The following TCN2 variants were observed in gnomAD, a reference collection of about 807,000 sequenced individuals.
TCN2 encodes the protein transcobalamin-2.
TCN2 carries 34 observed loss-of-function variants against 48.6 expected under a neutral mutation model. The observed-to-expected ratio is 0.70, with a 90% CI of 0.53 to 0.93. The LOEUF (loss-of-function observed/expected upper bound fraction) is 0.93, where lower values mean the gene tolerates loss of function less well. Ranked by LOEUF, TCN2 falls within the 40% of genes least tolerant of loss-of-function variation. TCN2 has a pLI of 0.00. For synonymous variants in TCN2, 283 were observed against 212.5 expected (o/e 1.33, Z -2.89); for missense variants, 652 against 526.1 (o/e 1.24, Z -2.34).
chr22:30,616,480 T>A (rs1419254684), intron 6 of TCN2, among the ~76,000 whole-genome samples: 1 of 131,026 alleles, frequency 7.6e-6, no homozygotes, highest in East Asian at 2.2e-4. Context: ...AGAGTAAGAC[T>A]ATGTCTCAAA....
rs1602060262 is a variant in TCN2, at chr22:30,627,247, C to T, written c.*726C>T. 6.4e-6 allele frequency: 1 copy of T among 156,352 alleles called. No homozygotes were observed. The highest frequency in any genetic ancestry group is 1.4e-5 in the Non-Finnish European group (1 of 70,526). 9.7% of individuals were successfully genotyped at this position (156,352 alleles called of 1,614,324 possible). ...ACCCACTACTATGACTGAGCACTCA[C>T]TCGCTAGATACTATCTTGAACTGCT... is the stretch of plus-strand genomic sequence containing the variant. On this transcript the variant is annotated 3_prime_UTR_variant, in exon 9 of 9. Transcript: ENST00000215838.
At chr22:30,623,965 C>CACATGTATACATATAT in intron 8 of TCN2, among the ~76,000 whole-genome samples, 1 of 18,554 alleles carries the variant, frequency 5.4e-5, no homozygotes, top group Admixed American at 6.5e-4. Context: ...TACATATATA[C>CACATGTATACATATAT]ACACACATAT....
intron 7 of TCN2, among the ~76,000 whole-genome samples, chr22:30,620,044 C>T (rs2087674908): frequency 6.6e-6 from 1 of 152,096 alleles, no homozygotes; most frequent in Non-Finnish European, 1.5e-5. Flanking sequence ...ATAATCCTAG[C>T]TACCCAGAAG....
intron 3 of TCN2, 115 bp from the exon 4 acceptor site, chr22:30,614,234 G>A: frequency 7.3e-7 from 1 of 1,368,496 alleles, no homozygotes; most frequent in South Asian, 1.3e-5. Context: ...AGGAATGAAG[G>A]ATCCCATGAC....
rs769044030 is a variant in TCN2 at position 30,607,338 on chromosome 22, C to T, written c.7C>T (p.His3Tyr). The stretch of plus-strand genomic sequence containing the variant: ...TCACCCACCTGCTGCTGCCATGAGG[C>T]ACCTTGGGGCCTTCCTCTTCCTTCT... The part of the protein sequence containing the change: MR[H>Y]LGAFLFLLGV... The change falls in exon 1 of 9, where the codon CAC (histidine) becomes TAC (tyrosine). Residue 3 changes from histidine (H) to tyrosine (Y), a missense_variant. Coordinates refer to ENST00000215838, the MANE Select transcript of TCN2 (RefSeq NM_000355.4). The T allele has an allele frequency of 2.5e-6, 4 of 1,614,208 alleles. No individual in the cohort carries two copies. Among genetic ancestry groups the T allele is most frequent in the East Asian group, 4.5e-5 (2 of 44,882 alleles).
chr22:30,616,921 G>A (rs2087619913), intron 6 of TCN2, among the ~76,000 whole-genome samples: 1 of 152,184 alleles, frequency 6.6e-6, no homozygotes, highest in Non-Finnish European at 1.5e-5. Flanking sequence ...GGATCTGGGA[G>A]AATGAGTGGG....
In TCN2 at chr22:30,623,784, G is replaced by A. The variant is rs547627766; in HGVS notation, c.1222+701G>A. 5.4e-3 allele frequency among the ~76,000 whole-genome samples: 42 copies of A among 7,728 alleles called. 7 individuals are homozygous for A. The highest frequency in any genetic ancestry group is 0.024 in the African/African-American group (19 of 798). 5.1% of individuals were successfully genotyped at this position (7,728 alleles called of 152,430 possible). ...TATATATATATACACACATATATAT[G>A]TATACATATATACACACATACACAT... On this transcript the variant is annotated intron_variant, in intron 8 of 8. Coordinates refer to ENST00000215838, the MANE Select transcript of TCN2 (RefSeq NM_000355.4).
intron 8 of TCN2, chr22:30,623,297 A>AG: frequency 7.4e-6 from 1 of 134,618 alleles, no homozygotes; most frequent in Non-Finnish European, 1.3e-5. Flanking sequence ...GACAGATTAC[A>AG]AAAAAAAAAA....
At chr22:30,610,633 C>T (rs1347568431) in intron 1 of TCN2, among the ~76,000 whole-genome samples, 1 of 152,248 alleles carries the variant, frequency 6.6e-6, no homozygotes, top group African/African-American at 2.4e-5. Context: ...CCTCTATCTT[C>T]AGCCCACCAC....
chr22:30,616,167 G>C (rs1345164199), intron 6 of TCN2, among the ~76,000 whole-genome samples: 1 of 152,154 alleles, frequency 6.6e-6, no homozygotes, highest in African/African-American at 2.4e-5. Flanking sequence ...GTCTGAGGAC[G>C]TGACTGGGAT....
chr22:30,623,322 A>C, intron 8 of TCN2: 1 of 524,520 alleles, frequency 1.9e-6, no homozygotes, highest in Non-Finnish European at 3.4e-6. Context: ...CTAGAAGAAA[A>C]TTAACATCAC....
chr22:30,623,147 C>T (rs1264006194), intron 8 of TCN2, 64 bp downstream of exon 8: 2 of 1,540,770 alleles, frequency 1.3e-6, no homozygotes, highest in African/African-American at 2.7e-5. Context: ...CAAGAGGCTT[C>T]ATCAACTCAC....
rs1405645109 is a variant in TCN2 at position 30,623,947 on chromosome 22, CAT to C, written c.1222+867_1222+868del. Among the ~76,000 whole-genome samples, 96 of 27,430 alleles carry C rather than the reference CAT, an allele frequency of 3.5e-3. 33 individuals are homozygous for C. The highest frequency in any genetic ancestry group is 5.6e-3 in the South Asian group (9 of 1,620). 18.0% of individuals were successfully genotyped at this position (27,430 alleles called of 152,430 possible). A position where few individuals can be genotyped will look rare whatever the true frequency, so the allele number is the denominator to read the frequency against. On this transcript the variant is annotated intron_variant, in intron 8 of 8. Transcript: ENST00000215838. ...ATATGTATACATATATACACACACA[CAT>C]ATGTATACATATATACACACACATA...
intron 7 of TCN2, among the ~76,000 whole-genome samples, chr22:30,620,095 G>GGCA (rs1422616120): frequency 6.6e-6 from 1 of 152,016 alleles, no homozygotes; most frequent in Non-Finnish European, 1.5e-5. Flanking sequence ...AGTTCAAGGC[G>GGCA]GCAGCAAGCT....
chr22:30,614,627 T>A (rs146555922), intron 4 of TCN2, 126 bp downstream of exon 4: 1 of 1,382,590 alleles, frequency 7.2e-7, no homozygotes, highest in Non-Finnish European at 9.9e-7. Context: ...TCAAGTCCTT[T>A]AGGGACGAAT....
chr22:30,613,392 G>C (rs983475008), intron 3 of TCN2, among the ~76,000 whole-genome samples: 4 of 152,122 alleles, frequency 2.6e-5, no homozygotes, highest in Admixed American at 2.0e-4. Context: ...CAATTCTCCT[G>C]CCTCAGCCTC....
intron 6 of TCN2, among the ~76,000 whole-genome samples, chr22:30,617,097 G>A (rs2087622161): frequency 6.6e-6 from 1 of 151,490 alleles, no homozygotes; most frequent in Admixed American, 6.6e-5. Context: ...GATCTTGGGT[G>A]GTGGGGAATG....
rs1350795651 is a variant in TCN2 at position 30,623,991 on chromosome 22, T to TAC, written c.1222+914_1222+915dup. Among the ~76,000 whole-genome samples the TAC allele has an allele frequency of 8.6e-3, 449 of 52,066 alleles. 135 individuals are homozygous for TAC. Among genetic ancestry groups the TAC allele is most frequent in the African/African-American group, 0.026 (373 of 14,352 alleles). The allele number at this position is 52,066 out of a possible 152,430, so 34.2% of individuals were successfully genotyped here. A position where few individuals can be genotyped will look rare whatever the true frequency, so the allele number is the denominator to read the frequency against. The stretch of plus-strand genomic sequence containing the variant: ...ACACACATATATATGTATACATATA[T>TAC]ACACACATATATATGTATACATATA... On this transcript the variant is annotated intron_variant, in intron 8 of 8. Transcript: ENST00000215838.
chr22:30,613,695 C>A (rs1038925253), intron 3 of TCN2, among the ~76,000 whole-genome samples: 2 of 152,166 alleles, frequency 1.3e-5, no homozygotes, highest in Non-Finnish European at 1.5e-5. Flanking sequence ...GCTCTCCTGC[C>A]CTGACTTGAC....
Sources: gnomAD v4.1 joint callset for allele counts (sites outside exome capture counted in the v4.1 genomes callset) on GRCh38, gnomAD v4.1.1 for gene constraint, MANE v1.5 for transcripts, NCBI Gene and HGNC (gene_info 2026-07-23, HGNC 2026-07-21) for gene names.